RPS6KC1: variants seen among roughly 807,000 people sequenced by gnomAD.
RPS6KC1 encodes the protein inactive ribosomal protein S6 kinase delta-1.
In RPS6KC1, 54 loss-of-function variants were observed where a neutral mutation model predicts 103.8. The observed-to-expected ratio is 0.52, with a 90% CI of 0.42 to 0.65. RPS6KC1 has a LOEUF of 0.65. RPS6KC1 is among the 30% of genes least tolerant of loss of function. The pLI, the probability that RPS6KC1 is intolerant of heterozygous loss-of-function variation, is 0.00. For missense variants in RPS6KC1, 1,151 were observed against 1,253.8 expected, an observed-to-expected ratio of 0.92 and a Z score of 1.24; for synonymous variants, 439 against 438.7, an observed-to-expected ratio of 1.00 and a Z score of -0.01.
chr1:213,123,519 G>A (rs998727310), intron 5 of RPS6KC1, among the ~76,000 whole-genome samples: 42 of 152,084 alleles, frequency 2.8e-4, no homozygotes, highest in Non-Finnish European at 4.7e-4. Flanking sequence ...AAACTTCAAA[G>A]GAAAGGTTCT....
chr1:213,112,624 T>TA (rs2083143573), intron 4 of RPS6KC1, among the ~76,000 whole-genome samples: 1 of 152,032 alleles, frequency 6.6e-6, no homozygotes, highest in Non-Finnish European at 1.5e-5. Flanking sequence ...GCAGGGTAGT[T>TA]ACATATGTAT....
chr1:213,278,067 C>T (rs115308857), downstream of RPS6KC1, among the ~76,000 whole-genome samples: 33 of 151,902 alleles, frequency 2.2e-4, no homozygotes, highest in African/African-American at 7.0e-4. Flanking sequence ...AGCTTGGGCA[C>T]GGTGGCACGA....
At chr1:213,406,446 C>A in the RPS6KC1 span, among the ~76,000 whole-genome samples, 4 of 151,928 alleles carry the variant, frequency 2.6e-5, no homozygotes, top group African/African-American at 9.7e-5. Flanking sequence ...GAACATGTGA[C>A]TAGCCACATG....
In RPS6KC1 at chr1:213,241,659, C is replaced by G; in HGVS notation, c.2183C>G (p.Ala728Gly). ...IGIIENKLLEAPDVLCLRLST... is the reference protein window; with the variant it reads ...IGIIENKLLEGPDVLCLRLST... ...ATAATAGAAAATAAACTCTTGGAAG[C>G]CCCTGATGTTTTATGCCTCAGGCTT... The change falls in exon 11 of 15, where the codon GCC becomes GGC. Residue 728 changes from alanine (A) to glycine (G), a missense_variant. Around this residue, in one of 3 missense-constraint regions of RPS6KC1, gnomAD observed 959 missense variants for 1,006.3 expected, o/e 0.95. Coordinates refer to ENST00000366960, the MANE Select transcript of RPS6KC1 (RefSeq NM_012424.6). The G allele has an allele frequency of 1.2e-6, 2 of 1,613,808 alleles. No homozygotes were observed. Among genetic ancestry groups the G allele is most frequent in the Non-Finnish European group, 1.7e-6 (2 of 1,179,944 alleles).
chr1:213,504,513 C>A, the RPS6KC1 span, among the ~76,000 whole-genome samples: 1 of 152,114 alleles, frequency 6.6e-6, no homozygotes, highest in African/African-American at 2.4e-5. Context: ...TTTCTAAATC[C>A]CAGGCCTTTC....
the RPS6KC1 span, among the ~76,000 whole-genome samples, chr1:213,365,057 G>C: frequency 2.6e-5 from 4 of 152,088 alleles, no homozygotes; most frequent in African/African-American, 9.7e-5. Flanking sequence ...GAGCTCTTTG[G>C]TACCCAGAGA....
chr1:213,457,613 A>G, the RPS6KC1 span, among the ~76,000 whole-genome samples: 3 of 152,336 alleles, frequency 2.0e-5, no homozygotes, highest in East Asian at 1.9e-4. Context: ...AGTCCTAGGT[A>G]TGGTTCAAGT....
the RPS6KC1 span, among the ~76,000 whole-genome samples, chr1:213,587,593 T>C: frequency 2.0e-5 from 3 of 152,264 alleles, no homozygotes; most frequent in Admixed American, 2.0e-4. Flanking sequence ...AAAAATGAAA[T>C]AATTAAATGG....
chr1:213,386,842 C>T, the RPS6KC1 span, among the ~76,000 whole-genome samples: 1 of 152,200 alleles, frequency 6.6e-6, no homozygotes, highest in Non-Finnish European at 1.5e-5. Context: ...CTCTTAATGA[C>T]TGTGGAATTG....
the RPS6KC1 span, among the ~76,000 whole-genome samples, chr1:213,671,783 T>TAAC: frequency 0.069 from 10,495 of 151,784 alleles, 1,084 homozygotes; most frequent in African/African-American, 0.23. Context: ...GAATCTGTCT[T>TAAC]AACAACAACA....
the RPS6KC1 span, among the ~76,000 whole-genome samples, chr1:213,816,918 A>G: frequency 6.6e-6 from 1 of 152,188 alleles, no homozygotes; most frequent in African/African-American, 2.4e-5. Flanking sequence ...CTCGCATACT[A>G]CCTAGAGTGC....
the RPS6KC1 span, among the ~76,000 whole-genome samples, chr1:213,449,149 G>T: frequency 6.6e-6 from 1 of 152,178 alleles, no homozygotes; most frequent in Non-Finnish European, 1.5e-5. Context: ...GGAGGCCTTT[G>T]CCTCTGCTGT....
the RPS6KC1 span, among the ~76,000 whole-genome samples, chr1:213,432,905 G>C: frequency 6.6e-6 from 1 of 152,058 alleles, no homozygotes; most frequent in Admixed American, 6.5e-5. Context: ...CATCTGTGTT[G>C]TTTTCAGTTT....
chr1:213,842,664 CA>C, the RPS6KC1 span, among the ~76,000 whole-genome samples: 2 of 152,138 alleles, frequency 1.3e-5, no homozygotes. Context: ...ATGCAGTTGA[CA>C]AATTATCTTG....
chr1:213,152,001 G>A (rs2089107834), intron 6 of RPS6KC1, among the ~76,000 whole-genome samples: 1 of 132,242 alleles, frequency 7.6e-6, no homozygotes, highest in Non-Finnish European at 1.6e-5. Flanking sequence ...AGTAGGGGTG[G>A]CCGGGCAGAG....
At chr1:213,396,373 T>C in the RPS6KC1 span, among the ~76,000 whole-genome samples, 1 of 152,210 alleles carries the variant, frequency 6.6e-6, no homozygotes, top group Non-Finnish European at 1.5e-5. Context: ...TCTCTCCCTC[T>C]CTAGGCTTCA....
At chr1:213,393,249 G>C in the RPS6KC1 span, among the ~76,000 whole-genome samples, 1 of 152,146 alleles carries the variant, frequency 6.6e-6, no homozygotes, top group African/African-American at 2.4e-5. Context: ...ACACAAGAGA[G>C]GGCTGACATT....
chr1:213,601,909 TC>T, the RPS6KC1 span, among the ~76,000 whole-genome samples: 13 of 147,206 alleles, frequency 8.8e-5, no homozygotes, highest in Middle Eastern at 0.01. Flanking sequence ...CTCTTTCCCT[TC>T]CCTTCCCTCC....
chr1:213,105,369 A>G (rs1020199464), intron 4 of RPS6KC1, among the ~76,000 whole-genome samples: 8 of 151,914 alleles, frequency 5.3e-5, no homozygotes, highest in Non-Finnish European at 8.8e-5. Flanking sequence ...AATCTAAGTG[A>G]TTGTGCTGTA....
Sources: allele counts gnomAD v4.1 joint callset (sites outside exome capture counted in the v4.1 genomes callset), GRCh38; gene constraint gnomAD v4.1.1; regional missense constraint gnomAD v4.1.1; transcripts MANE v1.5; gene names NCBI Gene and HGNC (gene_info 2026-07-23, HGNC 2026-07-21).